KLF9: variants seen among roughly 807,000 people sequenced by gnomAD.
KLF9 encodes KLF transcription factor 9, also known as Krueppel-like factor 9.
A neutral mutation model predicts 17.3 loss-of-function variants in KLF9; 2 were observed. The observed-to-expected ratio is 0.12, with a 90% CI of 0.05 to 0.36. The LOEUF (loss-of-function observed/expected upper bound fraction) is 0.36, where lower values mean the gene tolerates loss of function less well. KLF9 is among the 10% of genes least tolerant of loss of function. KLF9 has a pLI of 1.00. For synonymous variants in KLF9, 138 were observed against 139.2 expected (o/e 0.99, Z 0.06); for missense variants, 226 against 333.2 (o/e 0.68, Z 2.51).
chr9:70,397,069 A>T (rs776227988), intron 1 of KLF9, among the ~76,000 whole-genome samples: 2 of 152,194 alleles, frequency 1.3e-5, no homozygotes, highest in African/African-American at 4.8e-5. Flanking sequence ...GCAGTAGGTG[A>T]TTTACTTTCT....
At chr9:70,389,468 C>T (rs190401719) in intron 1 of KLF9, among the ~76,000 whole-genome samples, 57 of 152,284 alleles carry the variant, frequency 3.7e-4, no homozygotes, top group Admixed American at 1.6e-3. Context: ...TACCAAGGCC[C>T]GTGCTCTTGG....
chr9:70,413,326 TG>T lies in KLF9; in HGVS notation c.37del (p.Gln13SerfsTer31). The part of the protein sequence containing the change: ...AAAYMDFVAA[Q>X]CLVSISNRAA... ...GCGGTTCGAAATGGAAACCAGACAC[TG>T]GGCAGCCACGAAGTCCATGTAGGCG... is the stretch of plus-strand genomic sequence containing the variant. On this transcript the variant is annotated frameshift_variant, in exon 1 of 2. Transcript: ENST00000377126. LOFTEE classifies it high-confidence loss of function. The surrounding 1 kb of genome is among the most constrained non-coding windows in gnomAD (Gnocchi z 5.6). 1 of 1,592,608 alleles carries T rather than the reference TG, an allele frequency of 6.3e-7. No homozygotes were observed. The highest frequency in any genetic ancestry group is 1.7e-5 in the Admixed American group (1 of 58,600).
At chr9:70,403,393 ACACAATC>A (rs1409489627) in intron 1 of KLF9, among the ~76,000 whole-genome samples, 4 of 152,176 alleles carry the variant, frequency 2.6e-5, no homozygotes, top group Non-Finnish European at 5.9e-5. Context: ...GGGATGGGGC[ACACAATC>A]TGAACTAGTC....
At chr9:70,407,517 T>C (rs1020930772) in intron 1 of KLF9, among the ~76,000 whole-genome samples, 3 of 152,248 alleles carry the variant, frequency 2.0e-5, no homozygotes, top group Non-Finnish European at 4.4e-5. Flanking sequence ...ACTCCACTTA[T>C]GTTTTCTATC....
At position 70,387,457 on chromosome 9, in the gene KLF9, C is replaced by CCCCAAA; in HGVS notation, c.*318_*319insTTTGGG. On this transcript the variant is annotated 3_prime_UTR_variant, in exon 2 of 2. Transcript: ENST00000377126. ...CCCACCCACTCCCTACCCTCCCCCG[C>CCCCAAA]AAAAAAATAAAAGGAGAAAAAAAAA... 5.9e-6 allele frequency: 1 copy of CCCCAAA among 170,194 alleles called. No individual in the cohort carries two copies. Among genetic ancestry groups the CCCCAAA allele is most frequent in the South Asian group, 1.3e-4 (1 of 7,960 alleles). The allele number at this position is 170,194 out of a possible 1,614,324, so 10.5% of individuals were successfully genotyped here.
chr9:70,396,144 C>T lies in KLF9; in HGVS notation c.506-8139G>A, dbSNP rs570268870. 1.1e-4 allele frequency among the ~76,000 whole-genome samples: 16 copies of T among 152,138 alleles called. No individual in the cohort carries two copies. The South Asian group carries it at 3.1e-3, about 30-fold the overall frequency. On this transcript the variant is annotated intron_variant, in intron 1 of 1. Transcript: ENST00000377126. ...CTGGTGGAGGCATGAGGAAACAGGC[C>T]CTCTACCACACTGGTGGGATTTATA...
chr9:70,394,275 T>C (rs2037169045), intron 1 of KLF9, among the ~76,000 whole-genome samples: 1 of 132,228 alleles, frequency 7.6e-6, no homozygotes. Context: ...CATACTGATA[T>C]TATTCCCCCA....
intron 1 of KLF9, among the ~76,000 whole-genome samples, chr9:70,401,701 A>AAAAAAAAAAAAAAAAAAAAG (rs2037223195): frequency 6.7e-6 from 1 of 149,470 alleles, no homozygotes; most frequent in African/African-American, 2.5e-5. Flanking sequence ...AAAAAAAAAA[A>AAAAAAAAAAAAAAAAAAAAG]AAAAGAAAAG....
chr9:70,387,673 G>C lies in KLF9; in HGVS notation c.*103C>G, dbSNP rs1044085547. The C allele has an allele frequency of 2.1e-6, 2 of 936,462 alleles. No individual in the cohort carries two copies. The highest frequency in any genetic ancestry group is 1.8e-5 in the Admixed American group (1 of 54,276). The allele number at this position is 936,462 out of a possible 1,614,324, so 58.0% of individuals were successfully genotyped here. A position where few individuals can be genotyped will look rare whatever the true frequency, so the allele number is the denominator to read the frequency against. ...CCAAAGAGCAGTGACTTCCTGTGCC[G>C]TCAAGTGTGCCTCTTCTGGGGCTCA... On this transcript the variant is annotated 3_prime_UTR_variant, in exon 2 of 2. Transcript: ENST00000377126.
intron 1 of KLF9, among the ~76,000 whole-genome samples, chr9:70,391,143 G>T (rs1247000010): frequency 6.6e-6 from 1 of 152,164 alleles, no homozygotes; most frequent in Non-Finnish European, 1.5e-5. Flanking sequence ...TGTGTCCACT[G>T]TGGGGAAAAT....
At chr9:70,398,795 A>C (rs2037200213) in intron 1 of KLF9, among the ~76,000 whole-genome samples, 1 of 151,906 alleles carries the variant, frequency 6.6e-6, no homozygotes, top group Non-Finnish European at 1.5e-5. Context: ...CCCAGCTGAC[A>C]ACAGATTCTT....
At chr9:70,388,394 A>G (rs373170840) in intron 1 of KLF9, among the ~76,000 whole-genome samples, 9 of 152,092 alleles carry the variant, frequency 5.9e-5, no homozygotes, top group African/African-American at 1.9e-4. Context: ...CCCTGCCTCT[A>G]CCTTGGACTC....
At chr9:70,399,822 T>C (rs544268636) in intron 1 of KLF9, among the ~76,000 whole-genome samples, 1 of 152,338 alleles carries the variant, frequency 6.6e-6, no homozygotes, top group African/African-American at 2.4e-5. Flanking sequence ...CCAAATGCAT[T>C]GCCTCAGGGG....
intron 1 of KLF9, among the ~76,000 whole-genome samples, chr9:70,410,631 G>A (rs1032169197): frequency 1.3e-5 from 2 of 152,192 alleles, no homozygotes; most frequent in African/African-American, 4.8e-5. Context: ...AAGGGGGTGT[G>A]GCAGGGAGTT....
intron 1 of KLF9, among the ~76,000 whole-genome samples, chr9:70,411,674 T>C (rs2037314407): frequency 6.6e-6 from 1 of 152,160 alleles, no homozygotes. Flanking sequence ...AGTATCATTT[T>C]TTTCCATGTA....
chr9:70,408,578 G>A (rs1674273418), intron 1 of KLF9, among the ~76,000 whole-genome samples: 1 of 152,088 alleles, frequency 6.6e-6, no homozygotes, highest in African/African-American at 2.4e-5. Flanking sequence ...CTTAGTCTAG[G>A]GCAAGGCCTT....
rs930405100 is a variant in KLF9, at chr9:70,412,780, G to C, written c.505+79C>G. Reference sequence around the variant, plus strand: ...TTGCACCCTTTCGGCCGAGTGCAGTGTCCCGAACGCCCAGGAACGCTGCCT... The same window carrying C: ...TTGCACCCTTTCGGCCGAGTGCAGTCTCCCGAACGCCCAGGAACGCTGCCT... On this transcript the variant is annotated intron_variant, in intron 1 of 1. Coordinates refer to ENST00000377126, the MANE Select transcript of KLF9 (RefSeq NM_001206.4). 6 of 1,380,452 alleles carry C rather than the reference G, an allele frequency of 4.3e-6. No homozygotes were observed. The South Asian group carries it at 6.9e-5, about 16-fold the overall frequency. The allele number at this position is 1,380,452 out of a possible 1,614,324, so 85.5% of individuals were successfully genotyped here.
intron 1 of KLF9, among the ~76,000 whole-genome samples, chr9:70,391,100 A>G (rs2037150438): frequency 6.6e-6 from 1 of 152,054 alleles, no homozygotes; most frequent in Non-Finnish European, 1.5e-5. Context: ...CAAGTGAGTC[A>G]TGAGAGGAGG....
At chr9:70,390,531 G>T (rs1209472107) in intron 1 of KLF9, among the ~76,000 whole-genome samples, 1 of 152,150 alleles carries the variant, frequency 6.6e-6, no homozygotes, top group African/African-American at 2.4e-5. Context: ...AATACAGATT[G>T]TTACAACCCC....
Sources: gnomAD v4.1 joint callset for allele counts (sites outside exome capture counted in the v4.1 genomes callset) on GRCh38, gnomAD v4.1.1 for gene constraint, Gnocchi (gnomAD v3.1) non-coding constraint, MANE v1.5 for transcripts, NCBI Gene and HGNC (gene_info 2026-07-23, HGNC 2026-07-21) for gene names.